The following NOC2L variants were observed in gnomAD, a reference collection of about 807,000 sequenced individuals.
NOC2L encodes the protein NOC2 like nucleolar associated transcriptional repressor.
In NOC2L, 101 loss-of-function variants were observed where a neutral mutation model predicts 94.2. The observed-to-expected ratio is 1.07, with a 90% confidence interval of 0.91 to 1.26. The LOEUF is 1.26. Ranked by LOEUF, NOC2L falls within the 50% of genes most tolerant of loss-of-function variation. The pLI is 0.00. For missense variants in NOC2L, 1,076 were observed against 980.1 expected (o/e 1.10, Z -1.31); for synonymous variants, 531 against 413.4 (o/e 1.28, Z -3.45).
intron 11 of NOC2L, 29 bp from the exon 12 acceptor site, chr1:951,267 G>A (rs1429809665): frequency 2.6e-6 from 4 of 1,519,494 alleles, no homozygotes; most frequent in South Asian, 1.2e-5. Flanking sequence ...AGTGAGCAGA[G>A]GCCCCGGCTC....
In NOC2L at chr1:958,633, A is replaced by C. The variant is rs533696635; in HGVS notation, c.179+296T>G. 1,017 of 614,650 alleles carry C rather than the reference A, an allele frequency of 1.7e-3. 4 individuals are homozygous for C. The highest frequency in any genetic ancestry group is 2.7e-3 in the Non-Finnish European group (893 of 329,228). The allele number at this position is 614,650 out of a possible 1,614,324, so 38.1% of individuals were successfully genotyped here. On this transcript the variant is annotated intron_variant, in intron 2 of 18. Coordinates refer to ENST00000327044, the MANE Select transcript of NOC2L (RefSeq NM_015658.4). ...TCCTTCCTTTCCCTCCCCAGCACTT[A>C]TCTCTCTTCTACCGAACTGCAGGCG...
rs28415373 is a variant in NOC2L at position 958,601 on chromosome 1, C to T, written c.179+328G>A. 2,531 of 534,042 alleles carry T rather than the reference C, an allele frequency of 4.7e-3. 12 individuals carry two copies. The highest frequency in any genetic ancestry group is 0.012 in the African/African-American group (660 of 53,290). 33.1% of individuals were successfully genotyped at this position (534,042 alleles called of 1,614,324 possible). A position where few individuals can be genotyped will look rare whatever the true frequency, so the allele number is the denominator to read the frequency against. ...GCTCCCCTGCAACTCTCTCTTCAGC[C>T]CCTCTGTCCTTCCTTTCCCTCCCCA... On this transcript the variant is annotated intron_variant, in intron 2 of 18. Transcript: ENST00000327044.
At chr1:948,035 A>C in intron 14 of NOC2L, 96 bp downstream of exon 14, 29 of 907,206 alleles carry the variant, frequency 3.2e-5, no homozygotes, top group Non-Finnish European at 4.7e-5. Context: ...AGTCCCAGGT[A>C]CCCGGGACAA....
intron 13 of NOC2L, 109 bp downstream of exon 13, chr1:948,381 G>C: frequency 9.6e-7 from 1 of 1,046,782 alleles, no homozygotes; most frequent in Non-Finnish European, 1.4e-6. Flanking sequence ...GGGAGACCAT[G>C]AAGGTCCATG....
Position 946,549 on chromosome 1 carries a change from C to T in NOC2L, c.1660-4G>A, listed in dbSNP as rs370843542. 5.0e-5 allele frequency: 81 copies of T among 1,610,226 alleles called. No individual in the cohort carries two copies. The South Asian group carries it at 6.4e-4, about 13-fold the overall frequency. On this transcript the variant is annotated splice_polypyrimidine_tract_variant and splice_region_variant and intron_variant, in intron 14 of 18. Coordinates refer to ENST00000327044, the MANE Select transcript of NOC2L (RefSeq NM_015658.4). Reference sequence around the variant, plus strand: ...ACTCCCGGAGGAACGACTTCAGCTGCGGAAGGGAGGGGTCAGCCACTGAAG... The same window carrying T: ...ACTCCCGGAGGAACGACTTCAGCTGTGGAAGGGAGGGGTCAGCCACTGAAG...
intron 6 of NOC2L, among the ~76,000 whole-genome samples, chr1:955,472 C>A (rs1217384806): frequency 6.6e-6 from 1 of 152,210 alleles, no homozygotes; most frequent in African/African-American, 2.4e-5. Flanking sequence ...TCTGCCCAAT[C>A]TTTCTCTAAA....
At chr1:950,111 CACACACGTAG>C (rs1412827238) in intron 12 of NOC2L, among the ~76,000 whole-genome samples, 1 of 152,114 alleles carries the variant, frequency 6.6e-6, no homozygotes, top group Non-Finnish European at 1.5e-5. Context: ...CATGCACAGG[CACACACGTAG>C]ACGCACGTAC....
intron 12 of NOC2L, among the ~76,000 whole-genome samples, chr1:950,568 TAC>T (rs1642231171): frequency 1.3e-5 from 2 of 151,754 alleles, no homozygotes; most frequent in Non-Finnish European, 2.9e-5. Context: ...CACACAGGTG[TAC>T]ACACGCACAG....
Position 944,551 on chromosome 1 carries a change from C to T in NOC2L, c.*143G>A, listed in dbSNP as rs751141349. 57 of 632,658 alleles carry T rather than the reference C, an allele frequency of 9.0e-5. No homozygotes were observed. The highest frequency in any genetic ancestry group is 1.4e-4 in the Non-Finnish European group (51 of 374,088). 39.2% of individuals were successfully genotyped at this position (632,658 alleles called of 1,614,324 possible). ...CTCTCGATACGTTTGGTCTTTCATG[C>T]TGAAAAATAAATAATAAAGCCTGTC... On this transcript the variant is annotated 3_prime_UTR_variant, in exon 19 of 19. Transcript: ENST00000327044.
rs766016750 is a variant in NOC2L at position 957,012 on chromosome 1, T to C, written c.368A>G (p.Glu123Gly). Reference sequence around the variant, plus strand: ...TTCTCCTTCCTCCGCTCCATCCTCCTCCTCACTGGCTTCCTGCACAGAAAG... The same window carrying C: ...TTCTCCTTCCTCCGCTCCATCCTCCCCCTCACTGGCTTCCTGCACAGAAAG... ...LPDVLEEASE[E>G]EDGAEEGEDG... The change falls in exon 4 of 19, where the codon GAG becomes GGG. Residue 123 changes from glutamate to glycine, a missense_variant. This residue lies in a region of NOC2L where 457 missense variants were observed against 386.0 expected (regional missense o/e 1.18). Coordinates refer to ENST00000327044, the MANE Select transcript of NOC2L (RefSeq NM_015658.4). 18 of 1,613,954 alleles carry C rather than the reference T, an allele frequency of 1.1e-5. No homozygotes were observed. The highest frequency in any genetic ancestry group is 1.5e-5 in the Non-Finnish European group (18 of 1,180,036).
rs779208980 is a variant in NOC2L, at chr1:957,158, C to T, written c.295G>A (p.Asp99Asn). 79 of 1,613,958 alleles carry T rather than the reference C, an allele frequency of 4.9e-5. No individual in the cohort carries two copies. Among genetic ancestry groups the T allele is most frequent in the Admixed American group, 6.7e-5 (4 of 60,012 alleles). ...ENDQSLLNFS[D>N]SDSSEEEEGP... ...TCTTCCTCCTCAGAGCTGTCCGAGTCGCTGAAGTTTAGCAGGCTCTGGTCA... is the reference window on the plus strand; with the variant it reads ...TCTTCCTCCTCAGAGCTGTCCGAGTTGCTGAAGTTTAGCAGGCTCTGGTCA... Residue 99 changes from aspartate to asparagine, a missense_variant, in exon 3 of 19, where the codon GAC (aspartate) becomes AAC (asparagine). Physicochemically the swap from Asp to Asn is conservative, Grantham distance 23. This residue lies in a region of NOC2L where 457 missense variants were observed against 386.0 expected (regional missense o/e 1.18). Coordinates refer to ENST00000327044, the MANE Select transcript of NOC2L (RefSeq NM_015658.4).
rs1642275550 is a variant in NOC2L at position 952,102 on chromosome 1, T to TGC, written c.1227_1228dup (p.His410ArgfsTer11). The stretch of plus-strand genomic sequence containing the variant: ...GACCCGGCACCACAGGAAGAGGCAG[T>TGC]GCACATACTGCCAGTTGTACACAGA... On this transcript the variant is annotated frameshift_variant, in exon 11 of 19. Coordinates refer to ENST00000327044, the MANE Select transcript of NOC2L (RefSeq NM_015658.4). LOFTEE classifies it high-confidence loss of function. 1 of 1,613,544 alleles carries TGC rather than the reference T, an allele frequency of 6.2e-7. No homozygotes were observed. The highest frequency in any genetic ancestry group is 1.3e-5 in the African/African-American group (1 of 74,946).
At position 959,078 on chromosome 1, in the gene NOC2L, G is replaced by A. The variant is rs753073316; in HGVS notation, c.30C>T (p.Arg10=). 1.9e-6 allele frequency: 3 copies of A among 1,608,684 alleles called. No individual in the cohort carries two copies. The highest frequency in any genetic ancestry group is 2.5e-6 in the Non-Finnish European group (3 of 1,177,112). ...ACTCGTCCACCGTCAGCTCCGCCAGGCGCCTGCGGGTCACGCAGGAGTCAC... is the reference window on the plus strand; with the variant it reads ...ACTCGTCCACCGTCAGCTCCGCCAGACGCCTGCGGGTCACGCAGGAGTCAC... MAAAGSRKR[R]LAELTVDEFL... The change falls in exon 2 of 19, where the codon CGC becomes CGT. Residue 10 remains arginine (R), a synonymous_variant. Transcript: ENST00000327044.
chr1:945,382 A>T lies in NOC2L; in HGVS notation c.2053+136T>A. The T allele has an allele frequency of 3.5e-6, 4 of 1,137,176 alleles. No homozygotes were observed. In the South Asian group the frequency reaches 4.6e-5, roughly 13 times the overall value. The allele number at this position is 1,137,176 out of a possible 1,614,324, so 70.4% of individuals were successfully genotyped here. On this transcript the variant is annotated intron_variant, in intron 17 of 18. Transcript: ENST00000327044. ...GCGCTGGCACCAGAAGCCTGGCAAC[A>T]CTGAGGTTGGCCCCAGCTGGGCCAG...
At chr1:955,893 C>G in intron 6 of NOC2L, 30 bp downstream of exon 6, 1 of 1,560,740 alleles carries the variant, frequency 6.4e-7, no homozygotes, top group Non-Finnish European at 8.8e-7. Flanking sequence ...CACCTTCCAC[C>G]CTACCCCCCT....
chr1:956,341 G>C (rs1642401075), intron 4 of NOC2L, 126 bp from the exon 5 acceptor site: 3 of 1,068,602 alleles, frequency 2.8e-6, no homozygotes, highest in Admixed American at 2.2e-5. Flanking sequence ...GTTGGGGGGA[G>C]GCACAGAGCC....
At chr1:956,797 C>T (rs1642415353) in intron 4 of NOC2L, 97 bp downstream of exon 4, 1 of 1,549,482 alleles carries the variant, frequency 6.5e-7, no homozygotes, top group Non-Finnish European at 8.8e-7. Flanking sequence ...TCTGCCTGGG[C>T]ACCCAGCTGC....
rs148626137 is a variant in NOC2L, at chr1:948,218, C to T, written c.1572G>A (p.Glu524=). Residue 524 remains glutamate, a synonymous_variant, in exon 14 of 19, where the codon GAG becomes GAA. Transcript: ENST00000327044. ...ACTCCAGGGTGAGGTCGTACAGCTG[C>T]TCCACCAGGCCGTCCTGAAGAGCAG... ...QEKAYRDGLV[E]QLYDLTLEYL... 145 of 1,582,512 alleles carry T rather than the reference C, an allele frequency of 9.2e-5. No individual in the cohort carries two copies. In the African/African-American group the frequency reaches 1.2e-3, roughly 13 times the overall value.
chr1:949,935 A>T (rs921368131), intron 12 of NOC2L, among the ~76,000 whole-genome samples: 1 of 152,236 alleles, frequency 6.6e-6, no homozygotes, highest in African/African-American at 2.4e-5. Context: ...CATGAGGCTG[A>T]GAACTCATTA....
Sources: allele counts gnomAD v4.1 joint callset (sites outside exome capture counted in the v4.1 genomes callset), GRCh38; gene constraint gnomAD v4.1.1; regional missense constraint gnomAD v4.1.1; transcripts MANE v1.5; gene names NCBI Gene and HGNC (gene_info 2026-07-23, HGNC 2026-07-21).